The following CDYL variants were observed in gnomAD, a reference collection of about 807,000 sequenced individuals.
CDYL encodes chromodomain Y like.
A neutral mutation model predicts 47.3 loss-of-function variants in CDYL; 8 were observed. That is an observed-to-expected ratio of 0.17 (90% CI 0.10 to 0.31). The LOEUF (loss-of-function observed/expected upper bound fraction) is 0.31, where lower values mean the gene tolerates loss of function less well. CDYL is among the 10% of genes least tolerant of loss of function. The pLI is 1.00. For missense variants in CDYL, 471 were observed against 701.4 expected (o/e 0.67, Z 3.71); for synonymous variants, 266 against 265.0 (o/e 1.00, Z -0.04).
intron 2 of CDYL, among the ~76,000 whole-genome samples, chr6:4,725,279 G>T (rs569562955): frequency 1.1e-4 from 17 of 152,242 alleles, no homozygotes; most frequent in African/African-American, 3.9e-4. Flanking sequence ...AGTGGATCCC[G>T]CACCGAGGGT....
chr6:4,852,353 A>G (rs1335118958), intron 1 of CDYL, among the ~76,000 whole-genome samples: 1 of 118,736 alleles, frequency 8.4e-6, no homozygotes, highest in African/African-American at 3.4e-5. Flanking sequence ...CTTCCTTCCA[A>G]TCTTCCTTCC....
chr6:4,871,709 C>G (rs1241194556), intron 1 of CDYL, among the ~76,000 whole-genome samples: 2 of 152,126 alleles, frequency 1.3e-5, no homozygotes, highest in Admixed American at 1.3e-4. Context: ...TGGCCGTGTC[C>G]TCTCCACCCT....
At chr6:4,724,818 C>T (rs1195982438) in intron 2 of CDYL, 10 of 152,182 alleles carry the variant, frequency 6.6e-5, no homozygotes, top group Admixed American at 6.6e-4. Flanking sequence ...TTAGCAGCAA[C>T]AATATTTATT....
intron 1 of CDYL, among the ~76,000 whole-genome samples, chr6:4,879,401 T>G (rs1057245517): frequency 6.6e-6 from 1 of 152,216 alleles, no homozygotes; most frequent in Non-Finnish European, 1.5e-5. Flanking sequence ...AAATTGACCT[T>G]ATAATAAAGA....
At chr6:4,896,029 T>C (rs1581245678) in intron 2 of CDYL, among the ~76,000 whole-genome samples, 1 of 152,220 alleles carries the variant, frequency 6.6e-6, no homozygotes, top group African/African-American at 2.4e-5. Context: ...CTATGATCTC[T>C]ACCCCTCTCT....
In CDYL at chr6:4,824,331, A is replaced by G. The variant is rs150764320; in HGVS notation, c.24+47524A>G. On this transcript the variant is annotated intron_variant, in intron 1 of 6. Transcript: ENST00000397588. ...TAACTTTTTGAGGAGCTGTCAAACTATTTTACACAATGACCACACCATTTT... is the reference window on the plus strand; with the variant it reads ...TAACTTTTTGAGGAGCTGTCAAACTGTTTTACACAATGACCACACCATTTT... 3.9e-5 allele frequency among the ~76,000 whole-genome samples: 6 copies of G among 152,238 alleles called. No individual in the cohort carries two copies. The East Asian group carries it at 7.7e-4, about 20-fold the overall frequency.
At chr6:4,843,288 C>T (rs909805574) in intron 1 of CDYL, among the ~76,000 whole-genome samples, 9 of 152,148 alleles carry the variant, frequency 5.9e-5, no homozygotes, top group Admixed American at 4.6e-4. Flanking sequence ...CTGATGACAG[C>T]GTGCCTAAGT....
At chr6:4,795,162 A>T (rs1057503201) in intron 1 of CDYL, among the ~76,000 whole-genome samples, 3 of 152,034 alleles carry the variant, frequency 2.0e-5, no homozygotes, top group Non-Finnish European at 2.9e-5. Flanking sequence ...TTAAAAAAAA[A>T]AATCTGGTTA....
At chr6:4,818,609 A>G (rs144156944) in intron 1 of CDYL, among the ~76,000 whole-genome samples, 1 of 152,194 alleles carries the variant, frequency 6.6e-6, no homozygotes, top group African/African-American at 2.4e-5. Context: ...GAGCAAATGG[A>G]CATTTCTCTT....
chr6:4,786,692 G>A (rs1258758128), intron 1 of CDYL, among the ~76,000 whole-genome samples: 1 of 152,120 alleles, frequency 6.6e-6, no homozygotes, highest in Non-Finnish European at 1.5e-5. Flanking sequence ...CTGTTGCCTT[G>A]AGCTGGTTGT....
chr6:4,740,983 C>T (rs1757787353), intron 3 of CDYL, among the ~76,000 whole-genome samples: 1 of 152,042 alleles, frequency 6.6e-6, no homozygotes, highest in Non-Finnish European at 1.5e-5. Flanking sequence ...GATGGGGTTT[C>T]ACCATGTTGG....
chr6:4,715,947 T>A, intron 2 of CDYL: 1 of 1,561,258 alleles, frequency 6.4e-7, no homozygotes, highest in Non-Finnish European at 8.7e-7. Context: ...AGGCCCCTTT[T>A]ATTTAAAAAT....
At chr6:4,919,500 T>C (rs1422375749) in intron 2 of CDYL, among the ~76,000 whole-genome samples, 5 of 152,212 alleles carry the variant, frequency 3.3e-5, no homozygotes, top group Admixed American at 3.3e-4. Context: ...TACTTACCAG[T>C]TGAGCATCTC....
chr6:4,917,975 G>A (rs1348552420), intron 2 of CDYL, among the ~76,000 whole-genome samples: 1 of 152,150 alleles, frequency 6.6e-6, no homozygotes, highest in Non-Finnish European at 1.5e-5. Context: ...TTTGCCTGTA[G>A]CTACTATTCA....
chr6:4,796,537 A>G (rs1759076715), intron 1 of CDYL, among the ~76,000 whole-genome samples: 2 of 152,144 alleles, frequency 1.3e-5, no homozygotes, highest in Admixed American at 1.3e-4. Flanking sequence ...CTAAGATTAT[A>G]GGTTTGCCAA....
At chr6:4,944,992 A>G (rs766976993) in intron 5 of CDYL, among the ~76,000 whole-genome samples, 1 of 152,122 alleles carries the variant, frequency 6.6e-6, no homozygotes, top group East Asian at 1.9e-4. Flanking sequence ...ACTGGGGGGC[A>G]GTCTGCAGAC....
intron 1 of CDYL, among the ~76,000 whole-genome samples, chr6:4,882,256 T>G (rs186822902): frequency 6.6e-6 from 1 of 152,216 alleles, no homozygotes; most frequent in Non-Finnish European, 1.5e-5. Flanking sequence ...AAGAGGAGGA[T>G]GGGAGTCTCA....
chr6:4,814,516 A>G (rs1368704998), intron 1 of CDYL, among the ~76,000 whole-genome samples: 4 of 152,058 alleles, frequency 2.6e-5, no homozygotes, highest in Non-Finnish European at 5.9e-5. Flanking sequence ...AGACAAATTT[A>G]GTATTTTGTT....
intron 2 of CDYL, among the ~76,000 whole-genome samples, chr6:4,930,728 G>T (rs761852893): frequency 7.9e-5 from 12 of 152,174 alleles, no homozygotes; most frequent in Non-Finnish European, 1.5e-4. Flanking sequence ...TGTATTTGAG[G>T]ATATCCTTTT....
Sources: gnomAD v4.1 joint callset for allele counts (sites outside exome capture counted in the v4.1 genomes callset) on GRCh38, gnomAD v4.1.1 for gene constraint, MANE v1.5 for transcripts, NCBI Gene and HGNC (gene_info 2026-07-23, HGNC 2026-07-21) for gene names.